SDCCAG8: variants seen among roughly 807,000 people sequenced by gnomAD.
SDCCAG8 encodes serologically defined colon cancer antigen 8.
Under a neutral mutation model 101.8 loss-of-function variants are expected in SDCCAG8, and 74 were observed. That is an observed-to-expected ratio of 0.73 (90% CI 0.60 to 0.88). SDCCAG8 has a LOEUF of 0.88. SDCCAG8 is among the 40% of genes least tolerant of loss of function. The pLI, the probability that SDCCAG8 is intolerant of heterozygous loss-of-function variation, is 0.00. For synonymous variants in SDCCAG8, 281 were observed against 292.9 expected, an observed-to-expected ratio of 0.96 and a Z score of 0.41; for missense variants, 787 against 822.6, an observed-to-expected ratio of 0.96 and a Z score of 0.53.
intron 16 of SDCCAG8, among the ~76,000 whole-genome samples, chr1:243,485,641 C>G (rs1203740005): frequency 2.6e-5 from 4 of 152,194 alleles, no homozygotes; most frequent in Non-Finnish European, 5.9e-5. Flanking sequence ...CGCGGTGGCT[C>G]ATGCCTGTAA....
At chr1:243,329,582 G>T (rs977641654) in intron 9 of SDCCAG8, among the ~76,000 whole-genome samples, 1 of 152,148 alleles carries the variant, frequency 6.6e-6, no homozygotes, top group Non-Finnish European at 1.5e-5. Flanking sequence ...AAGAGAGGTT[G>T]TGTGAGGTGG....
chr1:243,281,846 A>G (rs542988882), intron 4 of SDCCAG8, among the ~76,000 whole-genome samples: 132 of 151,986 alleles, frequency 8.7e-4, no homozygotes, highest in Non-Finnish European at 1.5e-3. Flanking sequence ...GGGTCTCACT[A>G]TGTTGCCCAG....
At chr1:243,489,700 G>A (rs1016369687) in intron 17 of SDCCAG8, among the ~76,000 whole-genome samples, 1 of 152,124 alleles carries the variant, frequency 6.6e-6, no homozygotes, top group Non-Finnish European at 1.5e-5. Flanking sequence ...ACAAGCAGGC[G>A]ATGCTGACTT....
intron 16 of SDCCAG8, among the ~76,000 whole-genome samples, chr1:243,471,634 TG>T (rs1207061631): frequency 6.6e-6 from 1 of 152,114 alleles, no homozygotes; most frequent in African/African-American, 2.4e-5. Context: ...GGGAGGATGA[TG>T]TATCCACCCA....
chr1:243,294,698 C>CA (rs1042997185), intron 6 of SDCCAG8, among the ~76,000 whole-genome samples: 7 of 46,042 alleles, frequency 1.5e-4, no homozygotes, highest in South Asian at 1.4e-3. Context: ...TTCTAAATTC[C>CA]CCCCCCCCCC....
intron 10 of SDCCAG8, among the ~76,000 whole-genome samples, chr1:243,335,623 C>CATTT (rs1045151925): frequency 3.3e-5 from 5 of 152,072 alleles, no homozygotes; most frequent in Non-Finnish European, 7.4e-5. Flanking sequence ...TTTTATGTAT[C>CATTT]ATTTATTTAT....
rs2080596170 is a variant in SDCCAG8 at position 243,416,518 on chromosome 1, T to C, written c.1744+689T>C. On this transcript the variant is annotated intron_variant, in intron 14 of 17. Transcript: ENST00000366541. This position sits in a 1 kb window ranked among gnomAD's most constrained non-coding sequence, Gnocchi z 4.3. ...ATTCTTCAAGTTCTCACAACTGCTG[T>C]TAAAATTCACTAATACAAGGCACTG... 6.6e-6 allele frequency among the ~76,000 whole-genome samples: 1 copy of C among 152,180 alleles called. No individual in the cohort carries two copies. The highest frequency in any genetic ancestry group is 6.5e-5 in the Admixed American group (1 of 15,272).
At chr1:243,435,809 G>A (rs1331845552) in intron 16 of SDCCAG8, among the ~76,000 whole-genome samples, 1 of 151,944 alleles carries the variant, frequency 6.6e-6, no homozygotes, top group Non-Finnish European at 1.5e-5. Context: ...AAAATTTCAA[G>A]AGGGATATAT....
At chr1:243,437,067 G>A (rs942724304) in intron 16 of SDCCAG8, among the ~76,000 whole-genome samples, 8 of 152,266 alleles carry the variant, frequency 5.3e-5, no homozygotes, top group Admixed American at 5.2e-4. Flanking sequence ...CTTTTTGGTA[G>A]ATCCAGAACT....
At chr1:243,413,471 G>A (rs947846446) in intron 13 of SDCCAG8, among the ~76,000 whole-genome samples, 1 of 152,192 alleles carries the variant, frequency 6.6e-6, no homozygotes, top group Non-Finnish European at 1.5e-5. Context: ...CTCCCAAAGT[G>A]CTGGGATTAC....
At chr1:243,441,944 A>T (rs1455259219) in intron 16 of SDCCAG8, among the ~76,000 whole-genome samples, 1 of 152,194 alleles carries the variant, frequency 6.6e-6, no homozygotes, top group Non-Finnish European at 1.5e-5. Context: ...CTTAGTTTAT[A>T]TTCTGTGCTG....
rs1322565095 is a variant in SDCCAG8, at chr1:243,500,056, A to T, written c.*271A>T. On this transcript the variant is annotated 3_prime_UTR_variant, in exon 18 of 18. Transcript: ENST00000366541. ...AATCTGCTCATTCGTATGCTAGGTT[A>T]TACATATGATTTTCAATAAATGAAC... 1.1e-5 allele frequency: 5 copies of T among 464,714 alleles called. No individual in the cohort carries two copies. Among genetic ancestry groups the T allele is most frequent in the Non-Finnish European group, 1.9e-5 (5 of 262,944 alleles). The allele number at this position is 464,714 out of a possible 1,614,324, so 28.8% of individuals were successfully genotyped here.
At position 243,304,620 on chromosome 1, in the gene SDCCAG8, A is replaced by C. The variant is rs7538434; in HGVS notation, c.676-93A>C. On this transcript the variant is annotated intron_variant, in intron 6 of 17. Transcript: ENST00000366541. ...ACATGTTTCCCCCACGTTGGGTAAA[A>C]AGAAAAAAATTGAGTTTAATATTAA... 7,535 of 707,778 alleles carry C rather than the reference A, an allele frequency of 0.011. 365 individuals are homozygous for C. The African/African-American group carries it at 0.11, about 11-fold the overall frequency. 43.8% of individuals were successfully genotyped at this position (707,778 alleles called of 1,614,324 possible). A position where few individuals can be genotyped will look rare whatever the true frequency, so the allele number is the denominator to read the frequency against.
At chr1:243,496,627 TCTC>T (rs1290072326) in intron 17 of SDCCAG8, among the ~76,000 whole-genome samples, 2 of 152,084 alleles carry the variant, frequency 1.3e-5, no homozygotes, top group African/African-American at 4.8e-5. Context: ...CCCGGGCAGG[TCTC>T]CTGTGAGCAG....
intron 15 of SDCCAG8, among the ~76,000 whole-genome samples, chr1:243,425,006 A>G (rs2081247900): frequency 6.6e-6 from 1 of 152,078 alleles, no homozygotes; most frequent in South Asian, 2.1e-4. Flanking sequence ...ATTTATCATA[A>G]CTGCCTCTAA....
chr1:243,256,272 C>T (rs374756326), intron 1 of SDCCAG8, 32 bp downstream of exon 1: 2 of 1,598,698 alleles, frequency 1.3e-6, no homozygotes, highest in Non-Finnish European at 8.6e-7. Context: ...TCCCTAGCCC[C>T]GAGGTGCCCA....
At position 243,499,807 on chromosome 1, in the gene SDCCAG8, T is replaced by G. The variant is rs1669064940; in HGVS notation, c.*22T>G. The G allele has an allele frequency of 5.0e-6, 8 of 1,608,876 alleles. No homozygotes were observed. Among genetic ancestry groups the G allele is most frequent in the Non-Finnish European group, 6.8e-6 (8 of 1,175,816 alleles). ...CTGACCTGGATGGAACAGAGTGAAATAAATGATTTACAAAGAGATATTTAC... is the reference window on the plus strand; with the variant it reads ...CTGACCTGGATGGAACAGAGTGAAAGAAATGATTTACAAAGAGATATTTAC... On this transcript the variant is annotated 3_prime_UTR_variant, in exon 18 of 18. Coordinates refer to ENST00000366541, the MANE Select transcript of SDCCAG8 (RefSeq NM_006642.5).
At chr1:243,296,700 G>T (rs1306730807) in intron 6 of SDCCAG8, among the ~76,000 whole-genome samples, 1 of 151,412 alleles carries the variant, frequency 6.6e-6, no homozygotes, top group South Asian at 2.1e-4. Flanking sequence ...CCGCCACTGC[G>T]CCCGGCTAAT....
At chr1:243,379,353 C>T (rs1348856383) in intron 13 of SDCCAG8, among the ~76,000 whole-genome samples, 3 of 152,170 alleles carry the variant, frequency 2.0e-5, no homozygotes, top group African/African-American at 7.2e-5. Context: ...AATAGATTGG[C>T]ACTGCTCATG....
Sources: allele counts gnomAD v4.1 joint callset (sites outside exome capture counted in the v4.1 genomes callset), GRCh38; gene constraint gnomAD v4.1.1; non-coding constraint Gnocchi (gnomAD v3.1); transcripts MANE v1.5; gene names NCBI Gene and HGNC (gene_info 2026-07-23, HGNC 2026-07-21).